The following TADA2A variants were observed in gnomAD, a reference collection of about 807,000 sequenced individuals.
TADA2A encodes transcriptional adapter 2-alpha.
A neutral mutation model predicts 67.4 loss-of-function variants in TADA2A; 38 were observed. The observed-to-expected ratio is 0.56, with a 90% CI of 0.44 to 0.74. The LOEUF is 0.74. Ranked by LOEUF, TADA2A falls within the 30% of genes least tolerant of loss-of-function variation. TADA2A has a pLI of 0.00. For missense variants in TADA2A, 454 were observed against 547.0 expected, an observed-to-expected ratio of 0.83 and a Z score of 1.70; for synonymous variants, 192 against 181.6, an observed-to-expected ratio of 1.06 and a Z score of -0.46.
In TADA2A at chr17:37,455,128, A is replaced by G. The variant is rs569897613; in HGVS notation, c.605-3396A>G. 7.2e-5 allele frequency among the ~76,000 whole-genome samples: 11 copies of G among 152,350 alleles called. No individual in the cohort carries two copies. The South Asian group carries it at 2.3e-3, about 32-fold the overall frequency. On this transcript the variant is annotated intron_variant, in intron 8 of 15. Transcript: ENST00000615182. ...AAACTCTCAACTTACACAAAGCTTA[A>G]TTGATAACTTATTAAGAAAATTTCA...
chr17:37,431,413 G>A (rs1396567638), intron 4 of TADA2A, among the ~76,000 whole-genome samples: 2 of 151,920 alleles, frequency 1.3e-5, no homozygotes, highest in African/African-American at 4.8e-5. Flanking sequence ...TACATCATGT[G>A]CTAGGCATAT....
intron 13 of TADA2A, 148 bp from the exon 14 acceptor site, chr17:37,470,946 G>A (rs1267124180): frequency 5.2e-6 from 4 of 770,112 alleles, no homozygotes; most frequent in South Asian, 4.9e-5. Flanking sequence ...GCTCAATACA[G>A]TGAGATATCT....
At position 37,421,104 on chromosome 17, in the gene TADA2A, C is replaced by T. The variant is rs570043334; in HGVS notation, c.26-2405C>T. Among the ~76,000 whole-genome samples, 95 of 146,922 alleles carry T rather than the reference C, an allele frequency of 6.5e-4. 7 individuals are homozygous for T. Among genetic ancestry groups the T allele is most frequent in the African/African-American group, 2.3e-3 (94 of 40,652 alleles). ...GGAGGAAGCTTCCTGGGTTTCAATT[C>T]CCACTCAGAGCCAGGTGTGGTGGCT... On this transcript the variant is annotated intron_variant, in intron 2 of 15. Coordinates refer to ENST00000615182, the MANE Select transcript of TADA2A (RefSeq NM_001166105.3).
At chr17:37,449,992 A>G (rs776756931) in intron 8 of TADA2A, among the ~76,000 whole-genome samples, 4 of 152,188 alleles carry the variant, frequency 2.6e-5, no homozygotes, top group Non-Finnish European at 5.9e-5. Flanking sequence ...AGGGGTGTCA[A>G]TCTTTTGGCT....
chr17:37,477,165 CTGT>C lies in TADA2A; in HGVS notation c.*189_*191del, dbSNP rs1568190816. 5 of 595,988 alleles carry C rather than the reference CTGT, an allele frequency of 8.4e-6. No homozygotes were observed. In the East Asian group the frequency reaches 8.5e-5, roughly 10 times the overall value. The allele number at this position is 595,988 out of a possible 1,614,324, so 36.9% of individuals were successfully genotyped here. Reference sequence around the variant, plus strand: ...TTCTCCATCCTGCTTTAAAACACTCCTGTTGTTGGTATTATGCTGCAGAGTTGT... The same window carrying C: ...TTCTCCATCCTGCTTTAAAACACTCCTGTTGGTATTATGCTGCAGAGTTGT... On this transcript the variant is annotated 3_prime_UTR_variant, in exon 16 of 16. Coordinates refer to ENST00000615182, the MANE Select transcript of TADA2A (RefSeq NM_001166105.3).
chr17:37,463,597 T>C (rs1373646751), intron 10 of TADA2A, among the ~76,000 whole-genome samples: 4 of 151,884 alleles, frequency 2.6e-5, no homozygotes, highest in Admixed American at 6.6e-5. Context: ...AGAAAATCTA[T>C]ATTTTTTAAA....
intron 9 of TADA2A, among the ~76,000 whole-genome samples, chr17:37,459,351 C>T (rs2053488238): frequency 6.8e-6 from 1 of 147,620 alleles, no homozygotes. Context: ...GGCGTGATCT[C>T]AGCTCACTGC....
chr17:37,414,859 A>T (rs1233948894), intron 2 of TADA2A, among the ~76,000 whole-genome samples: 3 of 149,850 alleles, frequency 2.0e-5, no homozygotes, highest in African/African-American at 7.3e-5. Context: ...AGAAAAGAGG[A>T]CTGTTTTTTA....
intron 15 of TADA2A, among the ~76,000 whole-genome samples, chr17:37,475,321 C>T (rs1344384556): frequency 2.0e-5 from 3 of 151,674 alleles, no homozygotes; most frequent in Non-Finnish European, 2.9e-5. Flanking sequence ...GGACTATAGG[C>T]GCTTGCCACC....
At chr17:37,464,824 G>A (rs2053626139) in intron 10 of TADA2A, among the ~76,000 whole-genome samples, 1 of 116,508 alleles carries the variant, frequency 8.6e-6, no homozygotes, top group Non-Finnish European at 1.7e-5. Context: ...GGGCCACAGA[G>A]CAAGACTCCA....
At chr17:37,413,523 GTA>G (rs910379605) in intron 2 of TADA2A, among the ~76,000 whole-genome samples, 26 of 151,604 alleles carry the variant, frequency 1.7e-4, no homozygotes, top group African/African-American at 5.8e-4. Flanking sequence ...CTGTGTGTGT[GTA>G]TATATATGTT....
Position 37,478,113 on chromosome 17 carries a change from G to C in TADA2A, c.*1131G>C, listed in dbSNP as rs1175197252. ...AGCCTGGGCAACAAAGTGAGACTCT[G>C]TCTCAAAAAAAAAAAAACAAAAAAA... is the stretch of plus-strand genomic sequence containing the variant. On this transcript the variant is annotated 3_prime_UTR_variant, in exon 16 of 16. Coordinates refer to ENST00000615182, the MANE Select transcript of TADA2A (RefSeq NM_001166105.3). The C allele has an allele frequency of 8.4e-6, 1 of 119,546 alleles. No homozygotes were observed. Among genetic ancestry groups the C allele is most frequent in the Non-Finnish European group, 1.7e-5 (1 of 59,954 alleles). The allele number at this position is 119,546 out of a possible 1,614,324, so 7.4% of individuals were successfully genotyped here. A position where few individuals can be genotyped will look rare whatever the true frequency, so the allele number is the denominator to read the frequency against.
chr17:37,466,887 G>C (rs533978337), intron 11 of TADA2A, among the ~76,000 whole-genome samples: 8 of 152,152 alleles, frequency 5.3e-5, no homozygotes, highest in African/African-American at 1.7e-4. Context: ...CCAGTGCGGT[G>C]GCTCATTCCT....
rs1054023730 is a variant in TADA2A, at chr17:37,479,348, G to A, written c.*2366G>A. ...GAAACCTTGGAAACAGTTGAACTCT[G>A]AAAAGCTGATGGCAAATCAGATTTC... On this transcript the variant is annotated 3_prime_UTR_variant, in exon 16 of 16. Transcript: ENST00000615182. The A allele has an allele frequency of 6.6e-6, 1 of 152,198 alleles. No homozygotes were observed. The allele number at this position is 152,198 out of a possible 1,614,324, so 9.4% of individuals were successfully genotyped here.
chr17:37,446,935 A>C (rs2053099791), intron 8 of TADA2A, among the ~76,000 whole-genome samples: 1 of 152,194 alleles, frequency 6.6e-6, no homozygotes. Flanking sequence ...GAAGCAACTG[A>C]TTGATCAGCA....
At chr17:37,432,325 G>A (rs2052594695) in intron 4 of TADA2A, among the ~76,000 whole-genome samples, 2 of 151,994 alleles carry the variant, frequency 1.3e-5, no homozygotes, top group African/African-American at 2.4e-5. Flanking sequence ...CCACCACCGC[G>A]CCTGGCTAAT....
chr17:37,478,464 C>T lies in TADA2A; in HGVS notation c.*1482C>T, dbSNP rs965041764. 6.6e-6 allele frequency: 1 copy of T among 152,122 alleles called. No homozygotes were observed. Among genetic ancestry groups the T allele is most frequent in the African/African-American group, 2.4e-5 (1 of 41,422 alleles). 9.4% of individuals were successfully genotyped at this position (152,122 alleles called of 1,614,324 possible). On this transcript the variant is annotated 3_prime_UTR_variant, in exon 16 of 16. Coordinates refer to ENST00000615182, the MANE Select transcript of TADA2A (RefSeq NM_001166105.3). ...GCTTTGCTTGGATTGTGACTTGAAC[C>T]CTATTTCTCAATGGTGAAAGGCTAG...
At chr17:37,448,018 C>CA (rs1438881953) in intron 8 of TADA2A, among the ~76,000 whole-genome samples, 1 of 152,156 alleles carries the variant, frequency 6.6e-6, no homozygotes. Flanking sequence ...ACTGATTAGT[C>CA]AGAGTGTAAA....
intron 11 of TADA2A, among the ~76,000 whole-genome samples, chr17:37,467,100 G>C (rs1568182268): frequency 6.6e-6 from 1 of 152,190 alleles, no homozygotes; most frequent in South Asian, 2.1e-4. Flanking sequence ...GGAGGTTGCA[G>C]TGAGCCGAGA....
Sources: gnomAD v4.1 joint callset for allele counts (sites outside exome capture counted in the v4.1 genomes callset) on GRCh38, gnomAD v4.1.1 for gene constraint, MANE v1.5 for transcripts, NCBI Gene and HGNC (gene_info 2026-07-23, HGNC 2026-07-21) for gene names.